The following ARHGAP42 variants were observed in gnomAD, a reference collection of about 807,000 sequenced individuals.
The protein encoded by ARHGAP42 is rho GTPase-activating protein 42.
ARHGAP42 carries 63 observed loss-of-function variants against 125.0 expected under a neutral mutation model. The observed-to-expected ratio is 0.50, with a 90% confidence interval of 0.41 to 0.62. The LOEUF is 0.62. Among genes scored for constraint, ARHGAP42 ranks in the 20% least tolerant of loss-of-function variants. ARHGAP42 has a pLI of 0.00. For synonymous variants in ARHGAP42, 339 were observed against 351.0 expected, an observed-to-expected ratio of 0.97 and a Z score of 0.38; for missense variants, 766 against 1,024.2, an observed-to-expected ratio of 0.75 and a Z score of 3.44.
chr11:100,937,780 A>G (rs1867773223), intron 8 of ARHGAP42, among the ~76,000 whole-genome samples: 1 of 152,228 alleles, frequency 6.6e-6, no homozygotes, highest in Admixed American at 6.6e-5. Context: ...ATTATTTTGT[A>G]CATAATCTTC....
At chr11:100,898,678 G>A (rs182511858) in intron 4 of ARHGAP42, among the ~76,000 whole-genome samples, 49 of 151,996 alleles carry the variant, frequency 3.2e-4, no homozygotes, top group African/African-American at 9.2e-4. Context: ...CTGTGAGGTC[G>A]GTGGTGATAT....
Position 100,979,058 on chromosome 11 carries a change from T to G in ARHGAP42, c.2456+9T>G. On this transcript the variant is annotated intron_variant, in intron 22 of 23. Transcript: ENST00000298815. ...CCAGTTTCTTCTGGGCGGTAAGTTC[T>G]CCAAACCCTTAAATGCATCTAAAAA... The G allele has an allele frequency of 1.3e-6, 2 of 1,551,464 alleles. No individual in the cohort carries two copies. The highest frequency in any genetic ancestry group is 1.7e-6 in the Non-Finnish European group (2 of 1,146,704).
chr11:100,808,562 C>A (rs1254222063), intron 3 of ARHGAP42, among the ~76,000 whole-genome samples: 1 of 151,100 alleles, frequency 6.6e-6, no homozygotes, highest in African/African-American at 2.4e-5. Flanking sequence ...CCCGCCACCG[C>A]GCCCGGCTAA....
intron 1 of ARHGAP42, among the ~76,000 whole-genome samples, chr11:100,716,866 A>T (rs1200407870): frequency 2.0e-5 from 3 of 152,192 alleles, no homozygotes; most frequent in Non-Finnish European, 2.9e-5. Context: ...GCAAAAATAA[A>T]TAATAAATAA....
At chr11:100,845,574 A>C (rs1368283904) in intron 3 of ARHGAP42, among the ~76,000 whole-genome samples, 3 of 152,172 alleles carry the variant, frequency 2.0e-5, no homozygotes, top group African/African-American at 7.2e-5. Flanking sequence ...CGGTGATGGT[A>C]AACAAACTAG....
At chr11:100,896,801 C>T (rs1366928423) in intron 4 of ARHGAP42, among the ~76,000 whole-genome samples, 1 of 152,136 alleles carries the variant, frequency 6.6e-6, no homozygotes, top group Non-Finnish European at 1.5e-5. Flanking sequence ...CCTGTTCACT[C>T]TGATGGTAGT....
At chr11:100,767,271 G>A (rs7120712) in intron 1 of ARHGAP42, among the ~76,000 whole-genome samples, 39,596 of 152,064 alleles carry the variant, frequency 0.26, 5,398 homozygotes, top group Non-Finnish European at 0.3. Context: ...CTATAACCCT[G>A]AGAAGTGGTT....
At chr11:100,793,264 A>C (rs1171032607) in intron 2 of ARHGAP42, among the ~76,000 whole-genome samples, 1 of 152,184 alleles carries the variant, frequency 6.6e-6, no homozygotes, top group Non-Finnish European at 1.5e-5. Flanking sequence ...AAAGCACAAA[A>C]ATATAATATG....
intron 1 of ARHGAP42, among the ~76,000 whole-genome samples, chr11:100,751,277 GTGTTTTT>G (rs1465540750): frequency 2.5e-5 from 3 of 121,620 alleles, no homozygotes; most frequent in African/African-American, 1.0e-4. Flanking sequence ...GTGTGTGTGT[GTGTTTTT>G]TTTTTTTTTT....
At chr11:100,788,544 G>A (rs551448372) in intron 2 of ARHGAP42, among the ~76,000 whole-genome samples, 2 of 152,254 alleles carry the variant, frequency 1.3e-5, no homozygotes, top group East Asian at 1.9e-4. Context: ...GACTTTGCAA[G>A]TGAGCATCCG....
At position 100,808,562 on chromosome 11, in the gene ARHGAP42, C is replaced by T. The variant is rs1254222063; in HGVS notation, c.312+13396C>T. 3.3e-5 allele frequency among the ~76,000 whole-genome samples: 5 copies of T among 151,212 alleles called. No homozygotes were observed. In the South Asian group the frequency reaches 6.3e-4, roughly 19 times the overall value. On this transcript the variant is annotated intron_variant, in intron 3 of 23. Coordinates refer to ENST00000298815, the MANE Select transcript of ARHGAP42 (RefSeq NM_152432.4). ...CTGGGACTACAGGCGCCCGCCACCGCGCCCGGCTAATTTTTTGTATTTTTA... is the reference window on the plus strand; with the variant it reads ...CTGGGACTACAGGCGCCCGCCACCGTGCCCGGCTAATTTTTTGTATTTTTA...
intron 4 of ARHGAP42, among the ~76,000 whole-genome samples, chr11:100,870,947 TAA>T (rs35187671): frequency 0.018 from 2,507 of 141,810 alleles, 53 homozygotes; most frequent in African/African-American, 0.048. Flanking sequence ...AAAGAAGGTT[TAA>T]AAAAAAAAAA....
chr11:100,703,107 C>T (rs1376406998), intron 1 of ARHGAP42, among the ~76,000 whole-genome samples: 2 of 152,118 alleles, frequency 1.3e-5, no homozygotes, highest in African/African-American at 4.8e-5. Context: ...AGAATGGGGA[C>T]TATGAATATA....
At chr11:100,918,413 T>G (rs544257) in intron 5 of ARHGAP42, among the ~76,000 whole-genome samples, 134,128 of 152,206 alleles carry the variant, frequency 0.88, 59,189 homozygotes, top group East Asian at 1. Context: ...GTTTTCTTAT[T>G]AAATTAATCT....
intron 10 of ARHGAP42, among the ~76,000 whole-genome samples, chr11:100,947,827 C>A (rs1047154488): frequency 1.3e-5 from 2 of 151,894 alleles, no homozygotes; most frequent in African/African-American, 4.8e-5. Flanking sequence ...TATTTTATAT[C>A]TTTTCCTCCA....
intron 6 of ARHGAP42, 113 bp from the exon 7 acceptor site, chr11:100,933,043 A>T (rs917936290): frequency 4.5e-5 from 31 of 684,502 alleles, no homozygotes; most frequent in Admixed American, 6.9e-5. Flanking sequence ...AAAGCCATTG[A>T]AAATGTATTA....
chr11:100,964,713 C>T (rs553229202), intron 16 of ARHGAP42, among the ~76,000 whole-genome samples: 18 of 152,266 alleles, frequency 1.2e-4, no homozygotes, highest in East Asian at 3.9e-4. Context: ...ACTTGGCAGA[C>T]GACACTTGCC....
At chr11:100,881,188 A>C (rs1369296626) in intron 4 of ARHGAP42, among the ~76,000 whole-genome samples, 1 of 152,050 alleles carries the variant, frequency 6.6e-6, no homozygotes, top group African/African-American at 2.4e-5. Context: ...AGTTTTTCTG[A>C]TGTTATCTTC....
intron 3 of ARHGAP42, among the ~76,000 whole-genome samples, chr11:100,817,521 A>G (rs1864296332): frequency 6.6e-6 from 1 of 152,168 alleles, no homozygotes; most frequent in African/African-American, 2.4e-5. Flanking sequence ...GAAATGTTGA[A>G]TTGAATTCAG....
Sources: gnomAD v4.1 joint callset for allele counts (sites outside exome capture counted in the v4.1 genomes callset) on GRCh38, gnomAD v4.1.1 for gene constraint, MANE v1.5 for transcripts, NCBI Gene and HGNC (gene_info 2026-07-23, HGNC 2026-07-21) for gene names.